ATP9A: variants seen among roughly 807,000 people sequenced by gnomAD.
ATP9A encodes ATPase phospholipid transporting 9A.
Under a neutral mutation model 144.1 loss-of-function variants are expected in ATP9A, and 52 were observed. The ratio of observed to expected loss-of-function variants is 0.36; its 90% confidence interval spans 0.29 to 0.45. The LOEUF is 0.45. ATP9A is among the 20% of genes least tolerant of loss of function. The pLI, the probability that ATP9A is intolerant of heterozygous loss-of-function variation, is 1.00. For synonymous variants in ATP9A, 582 were observed against 557.4 expected (o/e 1.04, Z -0.62); for missense variants, 947 against 1,392.7 (o/e 0.68, Z 5.09).
chr20:51,602,719 C>A (rs965206136), intron 27 of ATP9A, among the ~76,000 whole-genome samples: 15 of 152,192 alleles, frequency 9.9e-5, no homozygotes, highest in African/African-American at 3.6e-4. Flanking sequence ...GCAAAAGAGC[C>A]GCGATCAAAG....
chr20:51,682,577 CTTTTTTTT>C (rs60505207), intron 9 of ATP9A, among the ~76,000 whole-genome samples: 61 of 35,084 alleles, frequency 1.7e-3, no homozygotes, highest in African/African-American at 4.4e-3. Flanking sequence ...TTCACTGTAT[CTTTTTTTT>C]TTTTTTTTTT....
chr20:51,625,299 C>G lies in ATP9A; in HGVS notation c.1909G>C (p.Glu637Gln). The change falls in exon 18 of 28, where the codon GAG becomes CAG. Residue 637 changes from glutamate (E) to glutamine (Q), a missense_variant. Around this residue, in one of 2 missense-constraint regions of ATP9A, gnomAD observed 770 missense variants for 1,047.9 expected, o/e 0.73. Coordinates refer to ENST00000338821, the MANE Select transcript of ATP9A (RefSeq NM_006045.3). ...DRSLKVATVI[E>Q]SLEMEMELLC... Reference sequence around the variant, plus strand: ...AGTTCCATCTCCATCTCCAGGCTCTCGATCACCGTGGCCACTTTGAGGGAG... The same window carrying G: ...AGTTCCATCTCCATCTCCAGGCTCTGGATCACCGTGGCCACTTTGAGGGAG... The G allele has an allele frequency of 5.0e-6, 8 of 1,614,222 alleles. No individual in the cohort carries two copies. The highest frequency in any genetic ancestry group is 6.8e-6 in the Non-Finnish European group (8 of 1,180,034).
At chr20:51,715,700 G>A (rs2122854145) in intron 3 of ATP9A, among the ~76,000 whole-genome samples, 1 of 152,294 alleles carries the variant, frequency 6.6e-6, no homozygotes, top group Admixed American at 6.5e-5. Context: ...TAGAGACAGG[G>A]TTTCACCGTA....
chr20:51,635,802 G>GAGGAAGGAAGGAAGGAAGGAAGGAAGGA lies in ATP9A; in HGVS notation c.1668+3540_1668+3541insTCCTTCCTTCCTTCCTTCCTTCCTTCCT, dbSNP rs1555830936. On this transcript the variant is annotated intron_variant, in intron 15 of 27. Transcript: ENST00000338821. ...AAAGGAAGGAAACAGAGGAGGGGAG[G>GAGGAAGGAAGGAAGGAAGGAAGGAAGGA]AGGAAGGAAGGAAGGAAGGAAGGGA... 1.2e-3 allele frequency among the ~76,000 whole-genome samples: 57 copies of GAGGAAGGAAGGAAGGAAGGAAGGAAGGA among 46,694 alleles called. 1 individual carries two copies. The highest frequency in any genetic ancestry group is 2.0e-3 in the Admixed American group (9 of 4,394). 30.6% of individuals were successfully genotyped at this position (46,694 alleles called of 152,430 possible).
intron 27 of ATP9A, among the ~76,000 whole-genome samples, chr20:51,601,974 G>A (rs1012899496): frequency 6.6e-6 from 1 of 152,118 alleles, no homozygotes; most frequent in Non-Finnish European, 1.5e-5. Flanking sequence ...CTTTTGATTT[G>A]GTGTTGTCTA....
chr20:51,676,699 G>T (rs1219204084), intron 9 of ATP9A, among the ~76,000 whole-genome samples: 1 of 152,062 alleles, frequency 6.6e-6, no homozygotes, highest in African/African-American at 2.4e-5. Context: ...GGCTGGTCTT[G>T]AACTCCTGAT....
At position 51,730,197 on chromosome 20, in the gene ATP9A, G is replaced by T. The variant is rs552713067; in HGVS notation, c.69-219C>A. On this transcript the variant is annotated intron_variant, in intron 1 of 27. Transcript: ENST00000338821. ...AAGATGCTTTGTCCTGGCCAGGCGC[G>T]GTGGCTCACACCTGTAATCCCAGCA... is the stretch of plus-strand genomic sequence containing the variant. 5.9e-5 allele frequency among the ~76,000 whole-genome samples: 9 copies of T among 152,250 alleles called. 1 individual carries two copies. The East Asian group carries it at 1.7e-3, about 29-fold the overall frequency.
intron 15 of ATP9A, among the ~76,000 whole-genome samples, chr20:51,638,085 A>T (rs1394980514): frequency 3.1e-5 from 1 of 32,522 alleles, no homozygotes; most frequent in Admixed American, 3.6e-4. Context: ...ATATATATAT[A>T]TATATATATA....
At chr20:51,723,425 T>G (rs1186728448) in intron 3 of ATP9A, among the ~76,000 whole-genome samples, 1 of 151,482 alleles carries the variant, frequency 6.6e-6, no homozygotes, top group Non-Finnish European at 1.5e-5. Flanking sequence ...AAAAAAAAAA[T>G]TATCCAGGCA....
intron 1 of ATP9A, among the ~76,000 whole-genome samples, chr20:51,767,623 C>T (rs1381957783): frequency 6.6e-6 from 1 of 152,218 alleles, no homozygotes; most frequent in Non-Finnish European, 1.5e-5. Flanking sequence ...AGGTGGCAGC[C>T]CCTGTCCCAG....
At chr20:51,713,683 A>T (rs958241357) in intron 3 of ATP9A, among the ~76,000 whole-genome samples, 1 of 152,250 alleles carries the variant, frequency 6.6e-6, no homozygotes, top group Non-Finnish European at 1.5e-5. Flanking sequence ...GGCAACAGTT[A>T]AACAGAATAA....
At position 51,719,357 on chromosome 20, in the gene ATP9A, T is replaced by C. The variant is rs184362615; in HGVS notation, c.328-6283A>G. Among the ~76,000 whole-genome samples the C allele has an allele frequency of 3.3e-5, 5 of 152,284 alleles. No homozygotes were observed. The East Asian group carries it at 7.7e-4, about 24-fold the overall frequency. On this transcript the variant is annotated intron_variant, in intron 3 of 27. Coordinates refer to ENST00000338821, the MANE Select transcript of ATP9A (RefSeq NM_006045.3). ...GCTTTAAATTGTTATTAATGAGTTGTTGATGTTTAAAAATCAAGAGAAAAA... is the reference window on the plus strand; with the variant it reads ...GCTTTAAATTGTTATTAATGAGTTGCTGATGTTTAAAAATCAAGAGAAAAA...
chr20:51,690,705 G>C lies in ATP9A; in HGVS notation c.723+34C>G. ...TCATTTCATCCCTTACACACTCCCG[G>C]TGACAGGATCCCATGTGAAGGAAGC... is the stretch of plus-strand genomic sequence containing the variant. On this transcript the variant is annotated intron_variant, in intron 8 of 27. Coordinates refer to ENST00000338821, the MANE Select transcript of ATP9A (RefSeq NM_006045.3). The C allele has an allele frequency of 2.6e-6, 4 of 1,554,948 alleles. No homozygotes were observed. In the South Asian group the frequency reaches 3.3e-5, roughly 13 times the overall value.
chr20:51,697,842 T>C (rs2077577273), intron 4 of ATP9A, among the ~76,000 whole-genome samples: 1 of 152,172 alleles, frequency 6.6e-6, no homozygotes, highest in African/African-American at 2.4e-5. Context: ...GGGAAAAAAG[T>C]CTTAATTTTC....
chr20:51,705,990 C>T (rs1380812113), intron 4 of ATP9A, among the ~76,000 whole-genome samples: 2 of 152,168 alleles, frequency 1.3e-5, no homozygotes, highest in African/African-American at 4.8e-5. Flanking sequence ...TCTTAAGTCT[C>T]TGATGTTTAA....
intron 10 of ATP9A, among the ~76,000 whole-genome samples, chr20:51,674,950 T>G (rs1356165935): frequency 6.6e-6 from 1 of 152,124 alleles, no homozygotes; most frequent in African/African-American, 2.4e-5. Flanking sequence ...TAAGCTGGGA[T>G]TATGGCGCCC....
Position 51,627,600 on chromosome 20 carries a change from T to C in ATP9A, c.1845A>G (p.Glu615=), listed in dbSNP as rs2077254631. 12 of 1,614,062 alleles carry C rather than the reference T, an allele frequency of 7.4e-6. No individual in the cohort carries two copies. Among genetic ancestry groups the C allele is most frequent in the Non-Finnish European group, 1.0e-5 (12 of 1,179,928 alleles). ...ATGGAAAGGTCCCAGAACAACTTAC[T>C]TCAAAGTCCTGATACTGCTCCTCTG... is the stretch of plus-strand genomic sequence containing the variant. The part of the protein sequence containing the change: ...SLAEEQYQDF[E]ARYVQAKLSV... Residue 615 remains glutamate, a splice_region_variant and synonymous_variant, in exon 17 of 28, where the codon GAA becomes GAG. Coordinates refer to ENST00000338821, the MANE Select transcript of ATP9A (RefSeq NM_006045.3).
At chr20:51,631,617 C>A (rs1247861966) in intron 15 of ATP9A, among the ~76,000 whole-genome samples, 2 of 152,142 alleles carry the variant, frequency 1.3e-5, no homozygotes, top group East Asian at 3.9e-4. Context: ...AAGATTACGC[C>A]ATAAATTTAC....
At chr20:51,708,694 C>T (rs1341705334) in intron 4 of ATP9A, among the ~76,000 whole-genome samples, 2 of 152,176 alleles carry the variant, frequency 1.3e-5, no homozygotes, top group Non-Finnish European at 2.9e-5. Context: ...TGAGATCACG[C>T]TACTGCACTC....
Sources: allele counts gnomAD v4.1 joint callset (sites outside exome capture counted in the v4.1 genomes callset), GRCh38; gene constraint gnomAD v4.1.1; regional missense constraint gnomAD v4.1.1; transcripts MANE v1.5; gene names NCBI Gene and HGNC (gene_info 2026-07-23, HGNC 2026-07-21).